Variants in ZPLD1 observed in about 807,000 individuals in gnomAD.
The protein encoded by ZPLD1 is zona pellucida like domain containing 1, also known as zona pellucida-like domain-containing protein 1.
A neutral mutation model predicts 47.2 loss-of-function variants in ZPLD1; 34 were observed. The ratio of observed to expected loss-of-function variants is 0.72; its 90% CI spans 0.55 to 0.96. ZPLD1 has a LOEUF of 0.96. Ranked by LOEUF, ZPLD1 falls within the 40% of genes least tolerant of loss-of-function variation. The pLI, the probability that ZPLD1 is intolerant of heterozygous loss-of-function variation, is 0.00. For missense variants in ZPLD1, 512 were observed against 505.8 expected, an observed-to-expected ratio of 1.01 and a Z score of -0.12; for synonymous variants, 176 against 186.2, an observed-to-expected ratio of 0.95 and a Z score of 0.45.
chr3:102,410,193 A>G (rs1706734327), intron 7 of ZPLD1, among the ~76,000 whole-genome samples: 1 of 151,770 alleles, frequency 6.6e-6, no homozygotes, highest in Admixed American at 6.6e-5. Context: ...AATATGTGGA[A>G]CTATTGCTGC....
chr3:102,413,075 C>G (rs894520916), intron 7 of ZPLD1, among the ~76,000 whole-genome samples: 4 of 151,770 alleles, frequency 2.6e-5, no homozygotes, highest in Non-Finnish European at 1.5e-5. Flanking sequence ...TTCTGCTAGA[C>G]TACACCTCAG....
rs149934220 is a variant in ZPLD1 at position 102,412,614 on chromosome 3, G to T, written c.-156-5446G>T. Among the ~76,000 whole-genome samples the T allele has an allele frequency of 4.4e-3, 661 of 151,862 alleles. 3 individuals carry two copies. The highest frequency in any genetic ancestry group is 0.015 in the African/African-American group (630 of 41,490). On this transcript the variant is annotated intron_variant, in intron 7 of 17. Coordinates refer to the ZPLD1 transcript ENST00000491959. ...TATATAGTGCTGTCACACATAATTT[G>T]TATTGTTCCAAGGAGGAAGAATAAG... is the stretch of plus-strand genomic sequence containing the variant.
intron 10 of ZPLD1, among the ~76,000 whole-genome samples, chr3:102,475,950 A>T (rs546471069): frequency 6.6e-6 from 1 of 152,266 alleles, no homozygotes; most frequent in South Asian, 2.1e-4. Flanking sequence ...AATATTTTTC[A>T]TATTGGTCAG....
intron 2 of ZPLD1, 50 bp from the exon 3 acceptor site, chr3:102,438,430 A>G: frequency 7.6e-7 from 1 of 1,315,708 alleles, no homozygotes; most frequent in Non-Finnish European, 1.1e-6. Context: ...AGTAAGTAGG[A>G]GTGAAGGAGT....
chr3:102,460,896 G>C (rs1292653788), intron 6 of ZPLD1, among the ~76,000 whole-genome samples: 1 of 151,840 alleles, frequency 6.6e-6, no homozygotes, highest in Non-Finnish European at 1.5e-5. Context: ...AGATTATTTG[G>C]AGAAGTTGGA....
chr3:102,388,189 T>C (rs905808934), intron 6 of ZPLD1, among the ~76,000 whole-genome samples: 1 of 152,176 alleles, frequency 6.6e-6, no homozygotes, highest in East Asian at 1.9e-4. Context: ...TCTCGTTTTT[T>C]CTGTCGTGAT....
intron 6 of ZPLD1, among the ~76,000 whole-genome samples, chr3:102,458,816 GCT>G (rs1553712906): frequency 6.6e-6 from 1 of 152,166 alleles, no homozygotes; most frequent in Non-Finnish European, 1.5e-5. Flanking sequence ...TCGGCCGGGT[GCT>G]GTGGCTCACG....
intron 5 of ZPLD1, among the ~76,000 whole-genome samples, 169 bp downstream of exon 5, chr3:102,456,543 T>TTATA (rs753149522): frequency 0.028 from 3,515 of 125,402 alleles, 61 homozygotes; most frequent in Non-Finnish European, 0.042. Flanking sequence ...TGTTTATCTA[T>TTATA]TATATCTATC....
chr3:102,455,200 G>C lies in ZPLD1; in HGVS notation c.328-993G>C, dbSNP rs775467790. Among the ~76,000 whole-genome samples, 4 of 152,154 alleles carry C rather than the reference G, an allele frequency of 2.6e-5. No homozygotes were observed. The East Asian group carries it at 7.7e-4, about 29-fold the overall frequency. ...TACTCTATTGTTGAAAATTATCACAGGTCTTAGTAATATAGTAGTATCTGC... is the reference window on the plus strand; with the variant it reads ...TACTCTATTGTTGAAAATTATCACACGTCTTAGTAATATAGTAGTATCTGC... On this transcript the variant is annotated intron_variant, in intron 4 of 11. Transcript: ENST00000466937.
chr3:102,401,036 T>G (rs1243222026), intron 7 of ZPLD1, among the ~76,000 whole-genome samples: 1 of 152,090 alleles, frequency 6.6e-6, no homozygotes, highest in Admixed American at 6.6e-5. Context: ...CTAAACATTT[T>G]TAGGACAAAA....
chr3:102,408,963 CA>C lies in ZPLD1; in HGVS notation c.-156-9095del, dbSNP rs200713314. On this transcript the variant is annotated intron_variant, in intron 7 of 17. Coordinates refer to the ZPLD1 transcript ENST00000491959. ...TATTTTATTAACCAGATATCTAGTA[CA>C]ATGGACCCTGAGATCCTCAATAAAC... 5.2e-3 allele frequency among the ~76,000 whole-genome samples: 792 copies of C among 151,864 alleles called. 4 individuals carry two copies. The highest frequency in any genetic ancestry group is 0.027 in the Middle Eastern group (8 of 294).
chr3:102,450,425 C>A (rs1003474437), intron 3 of ZPLD1, among the ~76,000 whole-genome samples: 2 of 152,132 alleles, frequency 1.3e-5, no homozygotes, highest in Non-Finnish European at 2.9e-5. Flanking sequence ...GAGGTAACTA[C>A]TTTTCTGGTT....
In ZPLD1 at chr3:102,477,662, A is replaced by C. The variant is rs776596056; in HGVS notation, c.*44A>C. On this transcript the variant is annotated 3_prime_UTR_variant, in exon 12 of 12. Coordinates refer to ENST00000466937, the MANE Select transcript of ZPLD1 (RefSeq NM_001329788.2). ...CTCTGGAGAAGGCTTCACTGACTAA[A>C]CTATGTGTGACTGCAGTCAGTGTTC... is the stretch of plus-strand genomic sequence containing the variant. 2.6e-5 allele frequency: 39 copies of C among 1,497,836 alleles called. No homozygotes were observed. In the East Asian group the frequency reaches 9.1e-4, roughly 35 times the overall value. 92.8% of individuals were successfully genotyped at this position (1,497,836 alleles called of 1,614,324 possible).
intron 5 of ZPLD1, 80 bp from the exon 6 acceptor site, chr3:102,457,701 A>T: frequency 1.6e-6 from 2 of 1,244,592 alleles, no homozygotes; most frequent in Non-Finnish European, 2.3e-6. Context: ...CAGGAGTTTT[A>T]GTGCTTTAAG....
intron 8 of ZPLD1, among the ~76,000 whole-genome samples, chr3:102,423,310 C>A (rs559434388): frequency 6.6e-6 from 1 of 152,100 alleles, no homozygotes; most frequent in East Asian, 1.9e-4. Context: ...TGACAAAAGA[C>A]AACTAGAAAT....
intron 7 of ZPLD1, among the ~76,000 whole-genome samples, chr3:102,394,874 T>C (rs1360933755): frequency 6.6e-6 from 1 of 152,142 alleles, no homozygotes; most frequent in East Asian, 1.9e-4. Context: ...AGAAGGCTTT[T>C]TAAGAGGGTA....
upstream of ZPLD1, among the ~76,000 whole-genome samples, chr3:102,434,768 G>A (rs1484381704): frequency 6.6e-6 from 1 of 152,162 alleles, no homozygotes; most frequent in Non-Finnish European, 1.5e-5. Flanking sequence ...GCTGCACTTA[G>A]ATGTGGTGGA....
At chr3:102,390,238 C>T (rs1470621767) in intron 6 of ZPLD1, among the ~76,000 whole-genome samples, 5 of 152,164 alleles carry the variant, frequency 3.3e-5, no homozygotes, top group African/African-American at 1.2e-4. Flanking sequence ...CAAATAAACA[C>T]ACAGCGTGCT....
chr3:102,440,072 G>C (rs1473577647), intron 3 of ZPLD1, among the ~76,000 whole-genome samples: 1 of 152,172 alleles, frequency 6.6e-6, no homozygotes, highest in East Asian at 1.9e-4. Flanking sequence ...AAACCAATGA[G>C]AGCTAGAAGT....
Sources: gnomAD v4.1 joint callset for allele counts (sites outside exome capture counted in the v4.1 genomes callset) on GRCh38, gnomAD v4.1.1 for gene constraint, MANE v1.5 for transcripts, NCBI Gene and HGNC (gene_info 2026-07-23, HGNC 2026-07-21) for gene names.